Variants in SNTG1 observed in about 807,000 individuals in gnomAD.
SNTG1 encodes the protein gamma-1-syntrophin.
In SNTG1, 39 loss-of-function variants were observed where a neutral mutation model predicts 74.7. That is an observed-to-expected ratio of 0.52 (90% CI 0.40 to 0.68). The LOEUF (loss-of-function observed/expected upper bound fraction) is 0.68, where lower values mean the gene tolerates loss of function less well. Among genes scored for constraint, SNTG1 ranks in the 30% least tolerant of loss-of-function variants. The probability of loss-of-function intolerance (pLI) is 0.00; values close to 1 mark genes in which losing one functional copy is unlikely to be tolerated. For synonymous variants in SNTG1, 254 were observed against 217.1 expected (o/e 1.17, Z -1.49); for missense variants, 685 against 609.5 (o/e 1.12, Z -1.30).
chr8:50,416,081 G>A (rs983900261), intron 4 of SNTG1, among the ~76,000 whole-genome samples: 2 of 152,154 alleles, frequency 1.3e-5, no homozygotes, highest in Middle Eastern at 3.4e-3. Context: ...AATTATTTTA[G>A]ATTGTATCTT....
intron 8 of SNTG1, among the ~76,000 whole-genome samples, chr8:50,456,622 C>G (rs1490525688): frequency 6.6e-6 from 1 of 152,102 alleles, no homozygotes; most frequent in African/African-American, 2.4e-5. Context: ...GTGAAACACT[C>G]CTGATTTAAT....
At chr8:50,415,270 T>C (rs1037916674) in intron 4 of SNTG1, among the ~76,000 whole-genome samples, 1 of 152,150 alleles carries the variant, frequency 6.6e-6, no homozygotes, top group African/African-American at 2.4e-5. Flanking sequence ...CTTATGAAGT[T>C]TATATTGTTT....
chr8:50,670,865 A>T (rs1358911561), intron 15 of SNTG1, among the ~76,000 whole-genome samples: 1 of 151,674 alleles, frequency 6.6e-6, no homozygotes, highest in African/African-American at 2.4e-5. Context: ...ATGGAACAGA[A>T]CAGAGCCCTC....
At chr8:50,661,074 G>A (rs2095220505) in intron 15 of SNTG1, among the ~76,000 whole-genome samples, 1 of 152,040 alleles carries the variant, frequency 6.6e-6, no homozygotes, top group Non-Finnish European at 1.5e-5. Flanking sequence ...TTATTTGAAT[G>A]GTTTAATAGA....
At chr8:50,179,630 T>C (rs954478806) in intron 2 of SNTG1, among the ~76,000 whole-genome samples, 2 of 152,092 alleles carry the variant, frequency 1.3e-5, no homozygotes, top group African/African-American at 4.8e-5. Context: ...AATATATGAA[T>C]AGACGTTTTT....
At chr8:50,260,380 G>A (rs1044520886) in intron 2 of SNTG1, among the ~76,000 whole-genome samples, 1 of 150,636 alleles carries the variant, frequency 6.6e-6, no homozygotes, top group Non-Finnish European at 1.5e-5. Flanking sequence ...CAACACAGAG[G>A]CACAAGCTCA....
chr8:50,308,286 A>G (rs540759697), intron 2 of SNTG1, among the ~76,000 whole-genome samples: 1 of 152,044 alleles, frequency 6.6e-6, no homozygotes, highest in South Asian at 2.1e-4. Context: ...GAGAGTTCCT[A>G]TTAGTGGGAT....
At chr8:50,482,773 T>C (rs975255401) in intron 8 of SNTG1, among the ~76,000 whole-genome samples, 32 of 152,214 alleles carry the variant, frequency 2.1e-4, no homozygotes, top group Non-Finnish European at 4.1e-4. Context: ...CTCCAAACTA[T>C]GCCTAATATA....
intron 1 of SNTG1, among the ~76,000 whole-genome samples, chr8:49,970,825 G>A (rs1423989694): frequency 6.6e-6 from 1 of 152,166 alleles, no homozygotes; most frequent in Non-Finnish European, 1.5e-5. Flanking sequence ...TCTAAGCAAA[G>A]CTGACTTAAA....
chr8:50,551,646 C>T (rs2094427559), intron 11 of SNTG1, among the ~76,000 whole-genome samples: 1 of 152,150 alleles, frequency 6.6e-6, no homozygotes, highest in Admixed American at 6.5e-5. Flanking sequence ...CTAAAAATAT[C>T]ATGTGAAATT....
intron 1 of SNTG1, among the ~76,000 whole-genome samples, chr8:49,916,135 A>T (rs1477215584): frequency 6.6e-6 from 1 of 151,900 alleles, no homozygotes; most frequent in Non-Finnish European, 1.5e-5. Flanking sequence ...TGCACCAGCG[A>T]TAAAAAATTA....
intron 1 of SNTG1, among the ~76,000 whole-genome samples, chr8:49,947,455 G>T (rs1324375123): frequency 6.6e-6 from 1 of 152,050 alleles, no homozygotes; most frequent in African/African-American, 2.4e-5. Context: ...TCTTTATGAG[G>T]GTCCAAAGCA....
At chr8:50,664,717 A>G (rs984493243) in intron 15 of SNTG1, among the ~76,000 whole-genome samples, 8 of 152,156 alleles carry the variant, frequency 5.3e-5, no homozygotes, top group African/African-American at 1.9e-4. Context: ...TCAGGAGTAC[A>G]GTTGCAATGA....
intron 1 of SNTG1, among the ~76,000 whole-genome samples, chr8:50,029,734 T>G (rs1817586627): frequency 6.6e-6 from 1 of 152,172 alleles, no homozygotes; most frequent in Non-Finnish European, 1.5e-5. Flanking sequence ...CACATTTCCT[T>G]TATTCATTAG....
chr8:50,697,126 T>G (rs2095408018), intron 15 of SNTG1, among the ~76,000 whole-genome samples: 1 of 152,102 alleles, frequency 6.6e-6, no homozygotes, highest in African/African-American at 2.4e-5. Context: ...CTTTTATCAG[T>G]GTTTTGCAGT....
intron 2 of SNTG1, among the ~76,000 whole-genome samples, chr8:50,303,551 A>G (rs2089745402): frequency 6.6e-6 from 1 of 152,108 alleles, no homozygotes; most frequent in Non-Finnish European, 1.5e-5. Context: ...TATAATATGT[A>G]TAATTTCATA....
chr8:50,407,333 G>A lies in SNTG1; in HGVS notation c.162+4989G>A, dbSNP rs554188106. Among the ~76,000 whole-genome samples the A allele has an allele frequency of 7.2e-4, 109 of 152,280 alleles. 1 individual carries two copies. The highest frequency in any genetic ancestry group is 2.5e-3 in the African/African-American group (105 of 41,554). On this transcript the variant is annotated intron_variant, in intron 4 of 18. Coordinates refer to ENST00000642720, the MANE Select transcript of SNTG1 (RefSeq NM_018967.5). Reference sequence around the variant, plus strand: ...TGTTAGTCTGAAGAACCATAGGCAAGGATGCTATTTTGTTATCTAGAAGCA... The same window carrying A: ...TGTTAGTCTGAAGAACCATAGGCAAAGATGCTATTTTGTTATCTAGAAGCA...
At chr8:50,106,995 C>T (rs1398775859) in intron 1 of SNTG1, among the ~76,000 whole-genome samples, 1 of 152,098 alleles carries the variant, frequency 6.6e-6, no homozygotes, top group Non-Finnish European at 1.5e-5. Flanking sequence ...AAGAGCAGAA[C>T]ACATAGGAAA....
chr8:50,745,154 G>A (rs138462118), intron 17 of SNTG1, among the ~76,000 whole-genome samples: 1 of 152,062 alleles, frequency 6.6e-6, no homozygotes, highest in African/African-American at 2.4e-5. Flanking sequence ...TCATATATGT[G>A]ATAATGGGTT....
Sources: allele counts gnomAD v4.1 joint callset (sites outside exome capture counted in the v4.1 genomes callset), GRCh38; gene constraint gnomAD v4.1.1; transcripts MANE v1.5; gene names NCBI Gene and HGNC (gene_info 2026-07-23, HGNC 2026-07-21).